FAM120AOS: variants seen among roughly 807,000 people sequenced by gnomAD.
FAM120AOS encodes the protein uncharacterized protein FAM120AOS.
A neutral mutation model predicts 20.2 loss-of-function variants in FAM120AOS; 15 were observed. The ratio of observed to expected loss-of-function variants is 0.74; its 90% confidence interval spans 0.50 to 1.15. FAM120AOS has a LOEUF of 1.15. FAM120AOS is among the 50% of genes most tolerant of loss of function. The pLI, the probability that FAM120AOS is intolerant of heterozygous loss-of-function variation, is 0.00. For missense variants in FAM120AOS, 327 were observed against 351.9 expected, an observed-to-expected ratio of 0.93 and a Z score of 0.57; for synonymous variants, 154 against 154.0, an observed-to-expected ratio of 1.00 and a Z score of 0.00.
chr9:93,452,417 G>T lies in FAM120AOS; in HGVS notation c.293C>A (p.Pro98His), dbSNP rs1480318119. 6.3e-7 allele frequency: 1 copy of T among 1,583,378 alleles called. No homozygotes were observed. The highest frequency in any genetic ancestry group is 8.6e-7 in the Non-Finnish European group (1 of 1,166,146). Residue 98 changes from proline to histidine, a missense_variant, in exon 1 of 3, where the codon CCC becomes CAC. Transcript: ENST00000375412. This position sits in a 1 kb window ranked among gnomAD's most constrained non-coding sequence, Gnocchi z 7.0. Reference protein sequence around the residue: ...RGIGVRRGPGPRPARIPGLTL... With the variant: ...RGIGVRRGPGHRPARIPGLTL... Reference sequence around the variant, plus strand: ...GAGGCCGGGGATCCGGGCGGGCCGGGGACCGGGGCCGCGCCGCACCCCTAT... The same window carrying T: ...GAGGCCGGGGATCCGGGCGGGCCGGTGACCGGGGCCGCGCCGCACCCCTAT...
intron 2 of FAM120AOS, chr9:93,448,612 G>GTTTATTT (rs912180001): frequency 3.9e-5 from 6 of 152,556 alleles, no homozygotes; most frequent in East Asian, 1.9e-4. Context: ...AAATACAGAT[G>GTTTATTT]TTTATTTTTT....
Position 93,453,241 on chromosome 9 carries a change from T to C in FAM120AOS, c.-532A>G, listed in dbSNP as rs1372873093. ...TATTCAGTGACCTTCAGCGGTGCCC[T>C]GACGGGTGGGTAATCAGAGCTCTAT... On this transcript the variant is annotated 5_prime_UTR_variant, in exon 1 of 3. Transcript: ENST00000375412. The C allele has an allele frequency of 1.0e-5, 10 of 994,884 alleles. No homozygotes were observed. Among genetic ancestry groups the C allele is most frequent in the South Asian group, 4.4e-5 (1 of 22,728 alleles). 61.6% of individuals were successfully genotyped at this position (994,884 alleles called of 1,614,324 possible). A position where few individuals can be genotyped will look rare whatever the true frequency, so the allele number is the denominator to read the frequency against.
chr9:93,449,705 C>G (rs1207748231), intron 2 of FAM120AOS, among the ~76,000 whole-genome samples: 1 of 152,072 alleles, frequency 6.6e-6, no homozygotes, highest in Non-Finnish European at 1.5e-5. Flanking sequence ...CTAGGATGGT[C>G]TCCATCTCTT....
rs749645011 is a variant in FAM120AOS, at chr9:93,445,580, G to GT, written c.*2030dup. 7.4e-4 allele frequency among the ~76,000 whole-genome samples: 79 copies of GT among 106,358 alleles called. 1 individual carries two copies. The highest frequency in any genetic ancestry group is 2.2e-3 in the African/African-American group (61 of 28,194). The allele number at this position is 106,358 out of a possible 152,430, so 69.8% of individuals were successfully genotyped here. On this transcript the variant is annotated 3_prime_UTR_variant, in exon 3 of 3. Transcript: ENST00000375412. ...TGGTTCTCCAACTTTCATAAAAATC[G>GT]TTGTTTTTTTTTTTTTTTTTTTTTT...
At chr9:93,451,618 G>T (rs926129787) in intron 1 of FAM120AOS, 1 of 981,742 alleles carries the variant, frequency 1.0e-6, no homozygotes, top group Non-Finnish European at 1.2e-6. Context: ...CGGCGTCCGC[G>T]CCGGGCGGGT....
chr9:93,453,144 A>T lies in FAM120AOS; in HGVS notation c.-435T>A. 2 of 1,003,700 alleles carry T rather than the reference A, an allele frequency of 2.0e-6. No homozygotes were observed. The highest frequency in any genetic ancestry group is 2.4e-6 in the Non-Finnish European group (2 of 842,128). The allele number at this position is 1,003,700 out of a possible 1,614,324, so 62.2% of individuals were successfully genotyped here. ...GGTTTTGTAGATCCCATGCGAAAGG[A>T]GTCGCTCAAAATCAGGGGGCGAACT... On this transcript the variant is annotated 5_prime_UTR_variant, in exon 1 of 3. Transcript: ENST00000375412.
At chr9:93,447,799 C>T in intron 2 of FAM120AOS, 102 bp from the exon 3 acceptor site, 1 of 1,016,906 alleles carries the variant, frequency 9.8e-7, no homozygotes, top group East Asian at 2.5e-5. Context: ...GTGGAGCTCT[C>T]CTACCCTCTG....
intron 1 of FAM120AOS, chr9:93,451,803 T>TC (rs1857228660): frequency 1.2e-6 from 1 of 861,322 alleles, no homozygotes; most frequent in African/African-American, 2.9e-5. Context: ...CCCGCCCCAG[T>TC]CCCCCCTAGA....
rs1856873905 is a variant in FAM120AOS at position 93,447,143 on chromosome 9, G to A, written c.*468C>T. On this transcript the variant is annotated 3_prime_UTR_variant, in exon 3 of 3. Coordinates refer to ENST00000375412, the MANE Select transcript of FAM120AOS (RefSeq NM_198841.4). ...TGGGATTACCATCCCCACTATAAAG[G>A]GCAATATGATCTGTTGCAGGAGGGT... 4 of 157,938 alleles carry A rather than the reference G, an allele frequency of 2.5e-5. No individual in the cohort carries two copies. In the South Asian group the frequency reaches 7.3e-4, roughly 29 times the overall value. 9.8% of individuals were successfully genotyped at this position (157,938 alleles called of 1,614,324 possible).
chr9:93,451,209 G>A (rs41274392), intron 1 of FAM120AOS: 2 of 1,531,134 alleles, frequency 1.3e-6, no homozygotes, highest in South Asian at 1.2e-5. Flanking sequence ...AGAGTGGTGC[G>A]AGCCGACGGC....
rs1180097866 is a variant in FAM120AOS, at chr9:93,443,597, A to G, written c.*4014T>C. Among the ~76,000 whole-genome samples the G allele has an allele frequency of 6.6e-6, 1 of 152,206 alleles. No individual in the cohort carries two copies. The highest frequency in any genetic ancestry group is 6.5e-5 in the Admixed American group (1 of 15,278). On this transcript the variant is annotated 3_prime_UTR_variant, in exon 3 of 3. Coordinates refer to ENST00000375412, the MANE Select transcript of FAM120AOS (RefSeq NM_198841.4). The stretch of plus-strand genomic sequence containing the variant: ...TCTTTTTTTTCTGTTTTGTCAGGCA[A>G]TCAGCCTCGTTAGCCTTAGTCTGCA...
In FAM120AOS at chr9:93,452,083, C is replaced by T. The variant is rs1857260277; in HGVS notation, c.563+64G>A. On this transcript the variant is annotated intron_variant, in intron 1 of 2. Transcript: ENST00000375412. The surrounding 1 kb of genome is among the most constrained non-coding windows in gnomAD (Gnocchi z 7.0). ...TGGACGCCGACAACTGCCTGCACCGCCTCTACGGCGGCTTCTACACCGACT... is the reference window on the plus strand; with the variant it reads ...TGGACGCCGACAACTGCCTGCACCGTCTCTACGGCGGCTTCTACACCGACT... 6.2e-7 allele frequency: 1 copy of T among 1,607,680 alleles called. No individual in the cohort carries two copies. The highest frequency in any genetic ancestry group is 1.7e-5 in the Admixed American group (1 of 59,436).
rs2131119786 is a variant in FAM120AOS, at chr9:93,445,258, G to GTA, written c.*2351_*2352dup. On this transcript the variant is annotated 3_prime_UTR_variant, in exon 3 of 3. Transcript: ENST00000375412. Reference sequence around the variant, plus strand: ...TACTCAGGTTTCTTTCTCAGAAATTGTATATATTCATCCCTGAAAGGTCTG... The same window carrying GTA: ...TACTCAGGTTTCTTTCTCAGAAATTGTATATATATTCATCCCTGAAAGGTCTG... 6.6e-6 allele frequency among the ~76,000 whole-genome samples: 1 copy of GTA among 151,808 alleles called. No individual in the cohort carries two copies. The highest frequency in any genetic ancestry group is 2.4e-5 in the African/African-American group (1 of 41,238).
intron 1 of FAM120AOS, chr9:93,451,351 G>A: frequency 7.0e-7 from 1 of 1,427,362 alleles, no homozygotes; most frequent in Non-Finnish European, 9.2e-7. Flanking sequence ...GCTTCCCTTC[G>A]CCCGAGAACC....
rs1857363539 is a variant in FAM120AOS at position 93,453,207 on chromosome 9, C to T, written c.-498G>A. On this transcript the variant is annotated 5_prime_UTR_variant, in exon 1 of 3. Coordinates refer to ENST00000375412, the MANE Select transcript of FAM120AOS (RefSeq NM_198841.4). ...ACTCGCAGGATTTATTTTTCGGGTG[C>T]ACAGTAAGTATTCAGTGACCTTCAG... 1 of 1,005,348 alleles carries T rather than the reference C, an allele frequency of 9.9e-7. No homozygotes were observed. The highest frequency in any genetic ancestry group is 4.1e-5 in the South Asian group (1 of 24,470). 62.3% of individuals were successfully genotyped at this position (1,005,348 alleles called of 1,614,324 possible).
chr9:93,451,189 C>T (rs2131151806), intron 1 of FAM120AOS: 1 of 1,549,000 alleles, frequency 6.5e-7, no homozygotes, highest in Non-Finnish European at 8.7e-7. Context: ...TCAGTGTGGG[C>T]AGCAGGCCCA....
chr9:93,450,909 C>A lies in FAM120AOS; in HGVS notation c.564-310G>T, dbSNP rs1187453449. Reference sequence around the variant, plus strand: ...CGCACGTTTCAGTCTAGCCATTGCGCAGTGGTAACGCAGGCTTTCCCACGC... The same window carrying A: ...CGCACGTTTCAGTCTAGCCATTGCGAAGTGGTAACGCAGGCTTTCCCACGC... On this transcript the variant is annotated intron_variant, in intron 1 of 2. Coordinates refer to ENST00000375412, the MANE Select transcript of FAM120AOS (RefSeq NM_198841.4). 3.8e-6 allele frequency: 4 copies of A among 1,063,342 alleles called. No homozygotes were observed. The East Asian group carries it at 7.7e-5, about 21-fold the overall frequency. The allele number at this position is 1,063,342 out of a possible 1,614,324, so 65.9% of individuals were successfully genotyped here.
intron 2 of FAM120AOS, 29 bp downstream of exon 2, chr9:93,450,450 A>T: frequency 6.5e-7 from 1 of 1,540,454 alleles, no homozygotes; most frequent in Non-Finnish European, 8.7e-7. Context: ...GGTGGGTATC[A>T]GAAAAGAAAG....
Position 93,446,206 on chromosome 9 carries a change from A to C in FAM120AOS, c.*1405T>G, listed in dbSNP as rs1262503336. Reference sequence around the variant, plus strand: ...CCTCTTCCTTTGTCAGCAAGGTCAAACGCCTGAGCCACAAGTCTTAGCTGT... The same window carrying C: ...CCTCTTCCTTTGTCAGCAAGGTCAACCGCCTGAGCCACAAGTCTTAGCTGT... On this transcript the variant is annotated 3_prime_UTR_variant, in exon 3 of 3. Transcript: ENST00000375412. Among the ~76,000 whole-genome samples the C allele has an allele frequency of 6.6e-6, 1 of 152,158 alleles. No homozygotes were observed. Among genetic ancestry groups the C allele is most frequent in the African/African-American group, 2.4e-5 (1 of 41,448 alleles).
Sources: allele counts gnomAD v4.1 joint callset (sites outside exome capture counted in the v4.1 genomes callset), GRCh38; gene constraint gnomAD v4.1.1; non-coding constraint Gnocchi (gnomAD v3.1); transcripts MANE v1.5; gene names NCBI Gene and HGNC (gene_info 2026-07-23, HGNC 2026-07-21).